Variants in PTPRK observed in about 807,000 individuals in gnomAD.
PTPRK encodes receptor-type tyrosine-protein phosphatase kappa.
Under a neutral mutation model 178.0 loss-of-function variants are expected in PTPRK, and 75 were observed. The ratio of observed to expected loss-of-function variants is 0.42; its 90% CI spans 0.35 to 0.51. The LOEUF is 0.51. Among genes scored for constraint, PTPRK ranks in the 20% least tolerant of loss-of-function variants. PTPRK has a pLI of 0.02. For synonymous variants in PTPRK, 637 were observed against 620.6 expected (o/e 1.03, Z -0.39); for missense variants, 1,441 against 1,797.8 (o/e 0.80, Z 3.59).
chr6:128,085,919 A>C (rs1274219005), intron 8 of PTPRK, among the ~76,000 whole-genome samples: 1 of 152,174 alleles, frequency 6.6e-6, no homozygotes, highest in Non-Finnish European at 1.5e-5. Context: ...TGTGAGCACA[A>C]ACAAAGTAGA....
At chr6:128,328,345 T>C (rs1362332848) in intron 2 of PTPRK, among the ~76,000 whole-genome samples, 4 of 152,156 alleles carry the variant, frequency 2.6e-5, no homozygotes, top group Admixed American at 2.6e-4. Context: ...TTGCATACAG[T>C]AGAAGTCTAA....
chr6:128,223,518 T>G (rs2128274935), intron 5 of PTPRK, among the ~76,000 whole-genome samples: 1 of 152,162 alleles, frequency 6.6e-6, no homozygotes, highest in African/African-American at 2.4e-5. Context: ...ATTAATATAC[T>G]AATATAACTA....
At chr6:127,979,791 T>A (rs1212078186) in intron 25 of PTPRK, among the ~76,000 whole-genome samples, 2 of 152,216 alleles carry the variant, frequency 1.3e-5, no homozygotes, top group African/African-American at 4.8e-5. Flanking sequence ...TTCTCCTTGA[T>A]ATGGTTTCAT....
At chr6:128,082,847 G>A (rs548604698) in intron 9 of PTPRK, among the ~76,000 whole-genome samples, 13 of 151,406 alleles carry the variant, frequency 8.6e-5, no homozygotes, top group African/African-American at 2.9e-4. Context: ...CAGATACACC[G>A]GAGTTATAGC....
chr6:128,355,764 T>C (rs1425444596), intron 2 of PTPRK, among the ~76,000 whole-genome samples: 2 of 152,144 alleles, frequency 1.3e-5, no homozygotes, highest in African/African-American at 2.4e-5. Flanking sequence ...ACCTGCACGT[T>C]GTGCACATGT....
rs868699575 is a variant in PTPRK at position 128,167,021 on chromosome 6, T to C, written c.1162+17411A>G. 2.6e-5 allele frequency among the ~76,000 whole-genome samples: 4 copies of C among 151,696 alleles called. No individual in the cohort carries two copies. The South Asian group carries it at 6.2e-4, about 24-fold the overall frequency. On this transcript the variant is annotated intron_variant, in intron 7 of 29. Transcript: ENST00000368226. ...AAAGTATAGCACTTCTGGAAAAATA[T>C]TCAACTTCCTCAAAAAGACTAAAAA...
intron 13 of PTPRK, among the ~76,000 whole-genome samples, chr6:128,054,594 T>C (rs1779591395): frequency 6.6e-6 from 1 of 152,208 alleles, no homozygotes; most frequent in Non-Finnish European, 1.5e-5. Context: ...GAATCTAGTC[T>C]GAATCCAAGG....
At chr6:128,027,517 C>G (rs375520442) in intron 13 of PTPRK, among the ~76,000 whole-genome samples, 3 of 151,942 alleles carry the variant, frequency 2.0e-5, no homozygotes, top group Non-Finnish European at 2.9e-5. Flanking sequence ...AATGAATGAT[C>G]GTTTCAGAGC....
chr6:128,443,642 G>A (rs1240914753), intron 1 of PTPRK, among the ~76,000 whole-genome samples: 1 of 152,134 alleles, frequency 6.6e-6, no homozygotes, highest in Non-Finnish European at 1.5e-5. Flanking sequence ...TTGAAGGTGA[G>A]GCAGAGACAG....
chr6:128,338,088 T>G (rs1359637711), intron 2 of PTPRK, among the ~76,000 whole-genome samples: 1 of 152,106 alleles, frequency 6.6e-6, no homozygotes, highest in African/African-American at 2.4e-5. Flanking sequence ...CAGAAAAGAT[T>G]TAAGCTGAAT....
rs558530953 is a variant in PTPRK, at chr6:127,976,823, T to C, written c.3844-41A>G. On this transcript the variant is annotated intron_variant, in intron 26 of 29. Transcript: ENST00000368226. ...TTTGAAAGAAAAAAAAAAAGAGTAT[T>C]ATTTTTTCTAGTTAGGAGAGTATAA... 5 of 1,610,900 alleles carry C rather than the reference T, an allele frequency of 3.1e-6. No individual in the cohort carries two copies. In the African/African-American group the frequency reaches 4.0e-5, roughly 13 times the overall value.
intron 7 of PTPRK, among the ~76,000 whole-genome samples, chr6:128,164,721 G>T (rs957420226): frequency 1.5e-5 from 2 of 131,734 alleles, no homozygotes; most frequent in Non-Finnish European, 3.0e-5. Flanking sequence ...TTACAGGCTG[G>T]GGGGGGAGAT....
At chr6:128,344,907 T>A (rs1020589797) in intron 2 of PTPRK, among the ~76,000 whole-genome samples, 3 of 152,078 alleles carry the variant, frequency 2.0e-5, no homozygotes, top group Non-Finnish European at 2.9e-5. Context: ...GGAAATTTTT[T>A]AATTAATCTA....
At chr6:128,450,220 C>G (rs895344786) in intron 1 of PTPRK, among the ~76,000 whole-genome samples, 3 of 151,994 alleles carry the variant, frequency 2.0e-5, no homozygotes, top group African/African-American at 7.3e-5. Context: ...CCTGCTTAAA[C>G]CATATTTGTG....
intron 6 of PTPRK, among the ~76,000 whole-genome samples, chr6:128,210,153 A>C (rs1026703442): frequency 6.6e-6 from 1 of 152,094 alleles, no homozygotes; most frequent in African/African-American, 2.4e-5. Context: ...GAATAAAGAA[A>C]AGTGTGGGGC....
intron 13 of PTPRK, among the ~76,000 whole-genome samples, chr6:128,054,215 T>C (rs72982101): frequency 0.013 from 2,024 of 152,348 alleles, 24 homozygotes; most frequent in Non-Finnish European, 0.022. Flanking sequence ...ATAGCTTTTG[T>C]TCTACCTAAT....
At chr6:128,154,265 G>T (rs1797674563) in intron 7 of PTPRK, among the ~76,000 whole-genome samples, 1 of 151,532 alleles carries the variant, frequency 6.6e-6, no homozygotes, top group Admixed American at 6.6e-5. Flanking sequence ...AATTCATAAT[G>T]AAGGCATAAC....
rs1773687020 is a variant in PTPRK, at chr6:127,969,561, T to A, written c.*666A>T. ...TTCTTCAGGAAAAAAAAGATGATTG[T>A]GTGGTGGTAGTATTTTAGCCATCAA... On this transcript the variant is annotated 3_prime_UTR_variant, in exon 30 of 30. Coordinates refer to ENST00000368226, the MANE Select transcript of PTPRK (RefSeq NM_002844.4). 1 of 152,150 alleles carries A rather than the reference T, an allele frequency of 6.6e-6. No individual in the cohort carries two copies. 9.4% of individuals were successfully genotyped at this position (152,150 alleles called of 1,614,324 possible).
At chr6:128,171,055 T>A (rs148507025) in intron 7 of PTPRK, among the ~76,000 whole-genome samples, 1 of 152,066 alleles carries the variant, frequency 6.6e-6, no homozygotes, top group African/African-American at 2.4e-5. Context: ...ATATAATGTA[T>A]AATGATGTAC....
Sources: gnomAD v4.1 joint callset for allele counts (sites outside exome capture counted in the v4.1 genomes callset) on GRCh38, gnomAD v4.1.1 for gene constraint, MANE v1.5 for transcripts, NCBI Gene and HGNC (gene_info 2026-07-23, HGNC 2026-07-21) for gene names.